ATRNL1: variants seen among roughly 807,000 people sequenced by gnomAD.
ATRNL1 encodes attractin like 1, also known as attractin-like protein 1.
ATRNL1 carries 95 observed loss-of-function variants against 182.7 expected under a neutral mutation model. The observed-to-expected ratio is 0.52, with a 90% CI of 0.44 to 0.62. The LOEUF is 0.62. ATRNL1 is among the 20% of genes least tolerant of loss of function. The probability of loss-of-function intolerance (pLI) is 0.00; values close to 1 mark genes in which losing one functional copy is unlikely to be tolerated. For missense variants in ATRNL1, 1,471 were observed against 1,679.5 expected, an observed-to-expected ratio of 0.88 and a Z score of 2.17; for synonymous variants, 576 against 568.3, an observed-to-expected ratio of 1.01 and a Z score of -0.19.
chr10:115,469,418 T>C, intron 24 of ATRNL1, 89 bp downstream of exon 24: 1 of 834,808 alleles, frequency 1.2e-6, no homozygotes, highest in Non-Finnish European at 1.8e-6. Context: ...ATATGTACAT[T>C]TCCTGACTTG....
rs372157148 is a variant in ATRNL1, at chr10:115,864,789, C to T, written c.4018+16798C>T. On this transcript the variant is annotated intron_variant, in intron 28 of 28. Transcript: ENST00000355044. ...CAAGGTCGGGAGATCGAGACCATCC[C>T]GGCTAACACGATGAAACCCCGTCTC... is the stretch of plus-strand genomic sequence containing the variant. 1.1e-3 allele frequency among the ~76,000 whole-genome samples: 168 copies of T among 152,040 alleles called. 2 individuals carry two copies. The East Asian group carries it at 0.025, about 22-fold the overall frequency.
At chr10:115,637,708 T>C (rs1555028748) in intron 26 of ATRNL1, among the ~76,000 whole-genome samples, 2 of 151,246 alleles carry the variant, frequency 1.3e-5, no homozygotes, top group Non-Finnish European at 2.9e-5. Flanking sequence ...CACTGCAACC[T>C]CCGCCTCCCG....
intron 24 of ATRNL1, among the ~76,000 whole-genome samples, chr10:115,474,835 A>G (rs1247737540): frequency 1.3e-5 from 2 of 151,488 alleles, no homozygotes; most frequent in African/African-American, 4.8e-5. Flanking sequence ...CAGTTCTTCA[A>G]TACCCTGCTA....
intron 20 of ATRNL1, among the ~76,000 whole-genome samples, chr10:115,404,778 C>A (rs1554957795): frequency 1.3e-5 from 2 of 150,190 alleles, no homozygotes; most frequent in African/African-American, 2.4e-5. Context: ...GTTCTTTAAT[C>A]CCCATTCATC....
intron 19 of ATRNL1, among the ~76,000 whole-genome samples, chr10:115,393,116 C>T (rs1844112823): frequency 6.6e-6 from 1 of 152,114 alleles, no homozygotes; most frequent in South Asian, 2.1e-4. Context: ...AGGCAGAAGA[C>T]TGGATTACTA....
chr10:115,199,770 A>G (rs372880720), intron 8 of ATRNL1, among the ~76,000 whole-genome samples: 2 of 152,160 alleles, frequency 1.3e-5, no homozygotes, highest in African/African-American at 4.8e-5. Flanking sequence ...GGGAAAATGT[A>G]AACTAGTTTG....
chr10:115,659,684 A>G (rs1555037168), intron 26 of ATRNL1, among the ~76,000 whole-genome samples: 1 of 152,158 alleles, frequency 6.6e-6, no homozygotes, highest in Non-Finnish European at 1.5e-5. Flanking sequence ...CTTCATAAAA[A>G]AGGTTCATAA....
intron 5 of ATRNL1, among the ~76,000 whole-genome samples, chr10:115,159,003 T>C (rs1351587583): frequency 6.6e-6 from 1 of 151,606 alleles, no homozygotes; most frequent in Non-Finnish European, 1.5e-5. Flanking sequence ...TGAAGAAAAA[T>C]GGTGGGAGAA....
At chr10:115,862,023 T>C (rs1226316598) in intron 28 of ATRNL1, among the ~76,000 whole-genome samples, 1 of 152,196 alleles carries the variant, frequency 6.6e-6, no homozygotes, top group Non-Finnish European at 1.5e-5. Flanking sequence ...CCCTTACCAC[T>C]TTTCTTGATG....
chr10:115,712,728 C>T (rs1189669987), intron 26 of ATRNL1, among the ~76,000 whole-genome samples: 1 of 151,866 alleles, frequency 6.6e-6, no homozygotes, highest in Non-Finnish European at 1.5e-5. Flanking sequence ...ATTAGCCAGG[C>T]GTGGTGATGT....
chr10:115,606,733 A>G (rs2256064), intron 26 of ATRNL1, among the ~76,000 whole-genome samples: 147,941 of 152,068 alleles, frequency 0.97, 72,122 homozygotes, highest in East Asian at 1. Flanking sequence ...ATAAATTGCT[A>G]ATGGTAAAAG....
At chr10:115,274,468 C>G (rs1467418713) in intron 13 of ATRNL1, among the ~76,000 whole-genome samples, 1 of 152,122 alleles carries the variant, frequency 6.6e-6, no homozygotes, top group Non-Finnish European at 1.5e-5. Flanking sequence ...CTGCTAGACC[C>G]CTAGAGATTT....
intron 27 of ATRNL1, among the ~76,000 whole-genome samples, chr10:115,788,044 C>T (rs1298430248): frequency 1.3e-5 from 2 of 152,148 alleles, no homozygotes; most frequent in Non-Finnish European, 2.9e-5. Flanking sequence ...GTTACAGCAG[C>T]CTCAGGAAAA....
rs115289112 is a variant in ATRNL1 at position 115,685,686 on chromosome 10, T to C, written c.3796-41562T>C. ...GTGAAGGTATTTTACAAAATATACC[T>C]ATTTGCTACAATAGATTGAATATTG... is the stretch of plus-strand genomic sequence containing the variant. On this transcript the variant is annotated intron_variant, in intron 26 of 28. Coordinates refer to ENST00000355044, the MANE Select transcript of ATRNL1 (RefSeq NM_207303.4). 3.8e-3 allele frequency among the ~76,000 whole-genome samples: 573 copies of C among 152,042 alleles called. 4 individuals are homozygous for C. The highest frequency in any genetic ancestry group is 0.013 in the African/African-American group (551 of 41,574).
Position 115,241,562 on chromosome 10 carries a change from A to G in ATRNL1, c.1533-9A>G, listed in dbSNP as rs371480288. On this transcript the variant is annotated splice_polypyrimidine_tract_variant and intron_variant, in intron 9 of 28. Transcript: ENST00000355044. The stretch of plus-strand genomic sequence containing the variant: ...CCTTTGTAATACATTTTTAAATTTT[A>G]TTCTGTAGGACTATTTTGAAAGAAA... 27 of 1,572,152 alleles carry G rather than the reference A, an allele frequency of 1.7e-5. No individual in the cohort carries two copies. The highest frequency in any genetic ancestry group is 6.9e-5 in the Admixed American group (4 of 57,962).
chr10:115,103,213 A>AT (rs1236208747), intron 1 of ATRNL1, among the ~76,000 whole-genome samples: 4 of 151,072 alleles, frequency 2.6e-5, no homozygotes, highest in African/African-American at 9.7e-5. Flanking sequence ...GATTTTTTGT[A>AT]TTTTTTGTAG....
At chr10:115,386,677 ATTATAC>A (rs1383632115) in intron 19 of ATRNL1, among the ~76,000 whole-genome samples, 9 of 151,540 alleles carry the variant, frequency 5.9e-5, no homozygotes, top group African/African-American at 2.2e-4. Context: ...TTTTATTATT[ATTATAC>A]TTTAAGTTTT....
At chr10:115,863,529 A>T (rs1951364132) in intron 28 of ATRNL1, among the ~76,000 whole-genome samples, 1 of 152,204 alleles carries the variant, frequency 6.6e-6, no homozygotes, top group African/African-American at 2.4e-5. Context: ...TCAGAGAAAA[A>T]TGATACATAT....
chr10:115,430,225 C>T (rs1326584359), intron 21 of ATRNL1, among the ~76,000 whole-genome samples: 1 of 151,992 alleles, frequency 6.6e-6, no homozygotes, highest in African/African-American at 2.4e-5. Flanking sequence ...ATTTTTGGGT[C>T]TAGTGCTTTT....
Sources: allele counts gnomAD v4.1 joint callset (sites outside exome capture counted in the v4.1 genomes callset), GRCh38; gene constraint gnomAD v4.1.1; transcripts MANE v1.5; gene names NCBI Gene and HGNC (gene_info 2026-07-23, HGNC 2026-07-21).